Variants in SPATA6 observed in about 807,000 individuals in gnomAD.
SPATA6 encodes the protein spermatogenesis associated 6.
A neutral mutation model predicts 65.3 loss-of-function variants in SPATA6; 56 were observed. That is an observed-to-expected ratio of 0.86 (90% CI 0.69 to 1.07). The LOEUF (loss-of-function observed/expected upper bound fraction) is 1.07, where lower values mean the gene tolerates loss of function less well. Ranked by LOEUF, SPATA6 falls within the 50% of genes least tolerant of loss-of-function variation. The pLI is 0.00. For synonymous variants in SPATA6, 199 were observed against 213.2 expected, an observed-to-expected ratio of 0.93 and a Z score of 0.58; for missense variants, 590 against 594.8, an observed-to-expected ratio of 0.99 and a Z score of 0.08.
chr1:48,444,211 G>A (rs533628219), intron 3 of SPATA6, among the ~76,000 whole-genome samples: 2 of 149,990 alleles, frequency 1.3e-5, no homozygotes, highest in African/African-American at 2.5e-5. Flanking sequence ...ACCAATCAGC[G>A]CTCTATGTAT....
intron 11 of SPATA6, among the ~76,000 whole-genome samples, chr1:48,344,647 T>C (rs1179889309): frequency 2.0e-5 from 3 of 151,958 alleles, no homozygotes; most frequent in African/African-American, 7.3e-5. Context: ...AGACATGCAG[T>C]GACACACATA....
intron 11 of SPATA6, among the ~76,000 whole-genome samples, chr1:48,330,408 C>T (rs1645882040): frequency 2.0e-5 from 3 of 152,096 alleles, no homozygotes; most frequent in African/African-American, 4.8e-5. Flanking sequence ...CCAGTTATCA[C>T]AGGAAATATC....
chr1:48,362,722 T>C (rs939970445), intron 9 of SPATA6, among the ~76,000 whole-genome samples: 1 of 151,488 alleles, frequency 6.6e-6, no homozygotes, highest in Non-Finnish European at 1.5e-5. Flanking sequence ...ACTGAGGAGG[T>C]AGAATCGAAA....
intron 3 of SPATA6, among the ~76,000 whole-genome samples, chr1:48,434,496 T>C (rs984064478): frequency 6.6e-6 from 1 of 152,074 alleles, no homozygotes; most frequent in Non-Finnish European, 1.5e-5. Context: ...CTAAAGATAA[T>C]AGAACAGAAT....
intron 1 of SPATA6, among the ~76,000 whole-genome samples, chr1:48,454,597 A>C (rs898063800): frequency 6.6e-6 from 1 of 152,214 alleles, no homozygotes; most frequent in Non-Finnish European, 1.5e-5. Flanking sequence ...ATGCATTTTA[A>C]TTAAGAGGGT....
At chr1:48,393,973 T>C (rs926171460) in intron 8 of SPATA6, among the ~76,000 whole-genome samples, 2 of 152,054 alleles carry the variant, frequency 1.3e-5, no homozygotes, top group East Asian at 3.9e-4. Context: ...CTTCAACATA[T>C]TAAGTTTTAG....
intron 11 of SPATA6, among the ~76,000 whole-genome samples, chr1:48,321,868 T>C (rs533413577): frequency 6.6e-6 from 1 of 152,122 alleles, no homozygotes; most frequent in African/African-American, 2.4e-5. Flanking sequence ...TTTTGGACAC[T>C]ACACCAACAG....
At chr1:48,385,419 G>A in intron 8 of SPATA6, 70 bp from the exon 9 acceptor site, 1 of 1,323,268 alleles carries the variant, frequency 7.6e-7, no homozygotes, top group East Asian at 2.4e-5. Context: ...TACTATCATT[G>A]TTTCTACAAT....
the SPATA6 span, among the ~76,000 whole-genome samples, chr1:48,286,217 C>T: frequency 6.6e-6 from 1 of 151,340 alleles, no homozygotes; most frequent in African/African-American, 2.4e-5. Flanking sequence ...AAAAAAAATG[C>T]CATTGGGATT....
At chr1:48,339,847 A>T (rs1646160590) in intron 11 of SPATA6, among the ~76,000 whole-genome samples, 1 of 152,000 alleles carries the variant, frequency 6.6e-6, no homozygotes, top group South Asian at 2.1e-4. Flanking sequence ...GACATATTTG[A>T]AGAGATAATG....
intron 11 of SPATA6, among the ~76,000 whole-genome samples, chr1:48,328,498 G>A (rs1484070572): frequency 6.6e-6 from 1 of 152,032 alleles, no homozygotes. Flanking sequence ...AGTATAAGAG[G>A]CCAGTCACAA....
intron 9 of SPATA6, among the ~76,000 whole-genome samples, chr1:48,366,226 G>A (rs1332461513): frequency 1.4e-4 from 21 of 152,124 alleles, no homozygotes; most frequent in Admixed American, 1.2e-3. Context: ...CTGCATCAAT[G>A]TTCATCAAGG....
At chr1:48,399,225 G>A (rs750700324) in intron 7 of SPATA6, 126 bp downstream of exon 7, 256 of 1,108,170 alleles carry the variant, frequency 2.3e-4, no homozygotes, top group Non-Finnish European at 3.0e-4. Flanking sequence ...TAGACTGCTA[G>A]GGTAGCAGTC....
chr1:48,294,356 C>T (rs951379113), downstream of SPATA6, among the ~76,000 whole-genome samples: 3 of 152,150 alleles, frequency 2.0e-5, no homozygotes, highest in Admixed American at 1.3e-4. Flanking sequence ...GGATTACAGG[C>T]GTGAGCCACT....
At chr1:48,285,405 C>A in the SPATA6 span, among the ~76,000 whole-genome samples, 1 of 151,652 alleles carries the variant, frequency 6.6e-6, no homozygotes, top group Non-Finnish European at 1.5e-5. Flanking sequence ...CACTTGGCTC[C>A]CTGGCTTCAG....
chr1:48,433,518 A>G lies in SPATA6; in HGVS notation c.238+18034T>C, dbSNP rs867055023. Among the ~76,000 whole-genome samples the G allele has an allele frequency of 3.9e-5, 6 of 152,216 alleles. No homozygotes were observed. The South Asian group carries it at 1.0e-3, about 26-fold the overall frequency. On this transcript the variant is annotated intron_variant, in intron 3 of 12. Transcript: ENST00000371847. ...ACTTCTCATTTTCACATGTACTTTT[A>G]CTGTGAGTTACAAATTAAATGTACT...
chr1:48,277,535 C>T, the SPATA6 span, among the ~76,000 whole-genome samples: 6 of 152,362 alleles, frequency 3.9e-5, no homozygotes, highest in East Asian at 3.9e-4. Context: ...ATATCCCGCA[C>T]TTGGCTCGGA....
At chr1:48,331,933 G>GA (rs1280921089) in intron 11 of SPATA6, among the ~76,000 whole-genome samples, 4 of 152,172 alleles carry the variant, frequency 2.6e-5, no homozygotes, top group Non-Finnish European at 5.9e-5. Context: ...CAGTCGTAAA[G>GA]AAAAAAATTC....
At chr1:48,404,725 T>C (rs1221535314) in intron 5 of SPATA6, among the ~76,000 whole-genome samples, 1 of 152,202 alleles carries the variant, frequency 6.6e-6, no homozygotes, top group Non-Finnish European at 1.5e-5. Context: ...GATAAGTCTC[T>C]ACTAATTCTG....
Sources: allele counts gnomAD v4.1 joint callset (sites outside exome capture counted in the v4.1 genomes callset), GRCh38; gene constraint gnomAD v4.1.1; transcripts MANE v1.5; gene names NCBI Gene and HGNC (gene_info 2026-07-23, HGNC 2026-07-21).